The following ZNF814 variants were observed in gnomAD, a reference collection of about 807,000 sequenced individuals.
ZNF814 encodes zinc finger protein 814.
A neutral mutation model predicts 7.5 loss-of-function variants in ZNF814; 5 were observed. The observed-to-expected ratio is 0.67, with a 90% CI of 0.35 to 1.40. ZNF814 has a LOEUF of 1.40. Among genes scored for constraint, ZNF814 ranks in the 40% most tolerant of loss-of-function variants. ZNF814 has a pLI of 0.04. For synonymous variants in ZNF814, 315 were observed against 340.7 expected, an observed-to-expected ratio of 0.92 and a Z score of 0.83; for missense variants, 962 against 1,018.0, an observed-to-expected ratio of 0.94 and a Z score of 0.75.
chr19:57,873,665 A>C lies in ZNF814; in HGVS notation c.1725T>G (p.Ser575=), dbSNP rs781201215. 3 of 1,614,048 alleles carry C rather than the reference A, an allele frequency of 1.9e-6. No individual in the cohort carries two copies. Among genetic ancestry groups the C allele is most frequent in the South Asian group, 1.1e-5 (1 of 91,076 alleles). ...ATTTCCCACATTCTCCACACCCATA[A>C]GATCTTTCTCTAGGGTGAACTCGCT... is the stretch of plus-strand genomic sequence containing the variant. ...LHQRVHPRER[S]YGCGECGKSF... Residue 575 remains serine, a synonymous_variant, in exon 3 of 3, where the codon TCT becomes TCG. Coordinates refer to ENST00000435989, the MANE Select transcript of ZNF814 (RefSeq NM_001144989.2).
chr19:57,904,610 A>T, the ZNF814 span, among the ~76,000 whole-genome samples: 1 of 152,078 alleles, frequency 6.6e-6, no homozygotes, highest in Non-Finnish European at 1.5e-5. Context: ...CCTGGTTTAT[A>T]CTTTTTTCCA....
intron 2 of ZNF814, chr19:57,876,543 G>A (rs1317076941): frequency 1.4e-5 from 5 of 355,756 alleles, no homozygotes; most frequent in African/African-American, 2.1e-5. Context: ...TATATAGGCA[G>A]TGATGTAGTC....
At chr19:57,879,307 T>C (rs577872856) in intron 1 of ZNF814, among the ~76,000 whole-genome samples, 30 of 150,878 alleles carry the variant, frequency 2.0e-4, no homozygotes, top group African/African-American at 6.3e-4. Flanking sequence ...AATGATGACC[T>C]TTCCCTCAAT....
intron 1 of ZNF814, among the ~76,000 whole-genome samples, chr19:57,884,047 G>A (rs576469395): frequency 1.4e-4 from 22 of 152,204 alleles, no homozygotes; most frequent in African/African-American, 4.8e-4. Context: ...GTGAGTCACC[G>A]AGCCTGGCCG....
chr19:57,897,076 G>A, the ZNF814 span, among the ~76,000 whole-genome samples: 1 of 152,162 alleles, frequency 6.6e-6, no homozygotes, highest in African/African-American at 2.4e-5. Flanking sequence ...TGTCTGACAA[G>A]GACCTAAAGA....
At chr19:57,889,654 CAGG>C (rs1416784101), upstream of ZNF814, among the ~76,000 whole-genome samples, 2 of 152,028 alleles carry the variant, frequency 1.3e-5, no homozygotes, top group Non-Finnish European at 2.9e-5. Flanking sequence ...CACCTGAGGT[CAGG>C]AGTTCAAGAC....
chr19:57,877,159 G>A, intron 1 of ZNF814, 117 bp from the exon 2 acceptor site: 3 of 1,456,892 alleles, frequency 2.1e-6, no homozygotes, highest in Middle Eastern at 1.8e-4. Flanking sequence ...AAACATAGGA[G>A]AAACTAGGCC....
At chr19:57,896,521 G>T in the ZNF814 span, among the ~76,000 whole-genome samples, 1 of 152,180 alleles carries the variant, frequency 6.6e-6, no homozygotes, top group African/African-American at 2.4e-5. This position sits in a 1 kb window ranked among gnomAD's most constrained non-coding sequence, Gnocchi z 4.2. Flanking sequence ...TACTGCTCCT[G>T]TAGTTGCAAC....
intron 1 of ZNF814, among the ~76,000 whole-genome samples, chr19:57,886,130 G>T (rs1304312316): frequency 6.6e-6 from 1 of 151,872 alleles, no homozygotes; most frequent in East Asian, 1.9e-4. Flanking sequence ...GAACATATAG[G>T]TCGGGGTCAG....
intron 1 of ZNF814, among the ~76,000 whole-genome samples, chr19:57,885,309 A>G (rs8110681): frequency 0.99 from 147,073 of 148,030 alleles, 73,070 homozygotes; most frequent in Middle Eastern, 1. Context: ...GCAACAGAGA[A>G]GGACTCCGTC....
the ZNF814 span, among the ~76,000 whole-genome samples, chr19:57,894,376 A>G: frequency 2.0e-5 from 3 of 151,940 alleles, no homozygotes; most frequent in African/African-American, 7.2e-5. Context: ...AAAAAAAAAA[A>G]AAGAAGCCGA....
intron 2 of ZNF814, among the ~76,000 whole-genome samples, chr19:57,875,993 C>T (rs2071604339): frequency 8.8e-6 from 1 of 113,586 alleles, no homozygotes; most frequent in South Asian, 3.3e-4. Flanking sequence ...TGGAGTCTCG[C>T]TCTGTCACCC....
Position 57,873,116 on chromosome 19 carries a change from T to G in ZNF814, c.2274A>C (p.Thr758=), listed in dbSNP as rs771686535. 6 of 1,613,842 alleles carry G rather than the reference T, an allele frequency of 3.7e-6. No homozygotes were observed. In the East Asian group the frequency reaches 1.3e-4, roughly 36 times the overall value. The part of the protein sequence containing the change: ...DCGKSFTHSS[T]FCVHKRIHTG... Reference sequence around the variant, plus strand: ...TGTGAATTCGCTTATGAACACAGAATGTAGAGCTGTGGGTAAATGATTTTC... The same window carrying G: ...TGTGAATTCGCTTATGAACACAGAAGGTAGAGCTGTGGGTAAATGATTTTC... The change falls in exon 3 of 3, where the codon ACA becomes ACC. Residue 758 remains threonine, a synonymous_variant. Coordinates refer to ENST00000435989, the MANE Select transcript of ZNF814 (RefSeq NM_001144989.2).
Position 57,876,983 on chromosome 19 carries a change from A to G in ZNF814, c.96T>C (p.Leu32=), listed in dbSNP as rs1196136275. ...GGTACAGGCATCTCTGAGCCTCACTAAGGAGATTCCATTCCTCCCAGGTAA... is the reference window on the plus strand; with the variant it reads ...GGTACAGGCATCTCTGAGCCTCACTGAGGAGATTCCATTCCTCCCAGGTAA... ...VNFTWEEWNL[L]SEAQRCLYRD... is the part of the protein sequence containing the mutation. The change falls in exon 2 of 3, where the codon CTT becomes CTC. Residue 32 remains leucine, a synonymous_variant. Coordinates refer to ENST00000435989, the MANE Select transcript of ZNF814 (RefSeq NM_001144989.2). The G allele has an allele frequency of 1.2e-6, 2 of 1,614,134 alleles. No individual in the cohort carries two copies. The highest frequency in any genetic ancestry group is 1.3e-5 in the African/African-American group (1 of 75,022).
chr19:57,902,981 A>T, the ZNF814 span, among the ~76,000 whole-genome samples: 2 of 152,048 alleles, frequency 1.3e-5, no homozygotes, highest in Non-Finnish European at 2.9e-5. Context: ...GCCAGGCCGG[A>T]AATATTACTC....
At chr19:57,889,046 C>T (rs1445059941), upstream of ZNF814, 1 of 536,022 alleles carries the variant, frequency 1.9e-6, no homozygotes, top group African/African-American at 1.9e-5. Context: ...ATGGCCGCCA[C>T]CAGAGGGCGC....
the ZNF814 span, among the ~76,000 whole-genome samples, chr19:57,894,935 A>G: frequency 2.9e-3 from 447 of 152,326 alleles, 5 homozygotes; most frequent in African/African-American, 9.9e-3. Context: ...GGAGCCTTCA[A>G]TGCTTTTTGT....
chr19:57,905,047 CAAAAAAAA>C, the ZNF814 span, among the ~76,000 whole-genome samples: 3 of 53,428 alleles, frequency 5.6e-5, no homozygotes, highest in South Asian at 8.7e-4. Flanking sequence ...AACTCCGTCT[CAAAAAAAA>C]AAAAAAAAAA....
the ZNF814 span, among the ~76,000 whole-genome samples, chr19:57,895,441 G>A: frequency 6.6e-6 from 1 of 151,604 alleles, no homozygotes; most frequent in Non-Finnish European, 1.5e-5. Flanking sequence ...ACACCTGGCT[G>A]ATTTGTGTAT....
Sources: allele counts gnomAD v4.1 joint callset (sites outside exome capture counted in the v4.1 genomes callset), GRCh38; gene constraint gnomAD v4.1.1; non-coding constraint Gnocchi (gnomAD v3.1); transcripts MANE v1.5; gene names NCBI Gene and HGNC (gene_info 2026-07-23, HGNC 2026-07-21).